WDFY3: variants seen among roughly 807,000 people sequenced by gnomAD.
The protein encoded by WDFY3 is WD repeat and FYVE domain-containing protein 3.
WDFY3 carries 66 observed loss-of-function variants against 409.6 expected under a neutral mutation model. The observed-to-expected ratio is 0.16, with a 90% CI of 0.13 to 0.20. WDFY3 has a LOEUF of 0.20. Among genes scored for constraint, WDFY3 ranks in the 10% least tolerant of loss-of-function variants. WDFY3 has a pLI of 1.00. For missense variants in WDFY3, 3,031 were observed against 4,298.1 expected (o/e 0.71, Z 8.24); for synonymous variants, 1,521 against 1,537.1 (o/e 0.99, Z 0.25).
chr4:84,721,454 T>C lies in WDFY3; in HGVS notation c.7560A>G (p.Lys2520=). 1.2e-6 allele frequency: 2 copies of C among 1,613,746 alleles called. No homozygotes were observed. Among genetic ancestry groups the C allele is most frequent in the Non-Finnish European group, 1.7e-6 (2 of 1,180,038 alleles). ...GGCGCAGTAAGGTAGCATTATCTGT[T>C]TTCTCCTCCTCTTCTATGGAGCTGC... ...AEGSSIEEEE[K]TDNATLLRLL... Residue 2520 remains lysine, a synonymous_variant, in exon 47 of 68, where the codon AAA becomes AAG. Transcript: ENST00000295888.
intron 1 of WDFY3, among the ~76,000 whole-genome samples, chr4:84,959,319 A>G (rs1774631787): frequency 6.6e-6 from 1 of 152,232 alleles, no homozygotes. Flanking sequence ...GGTATACTGG[A>G]AAGACCACAA....
intron 1 of WDFY3, among the ~76,000 whole-genome samples, chr4:84,939,082 T>C (rs1407603255): frequency 6.6e-6 from 1 of 152,210 alleles, no homozygotes; most frequent in Non-Finnish European, 1.5e-5. Flanking sequence ...GGTCAGGTAC[T>C]GTTAGTGGTT....
intron 3 of WDFY3, among the ~76,000 whole-genome samples, chr4:84,890,757 G>A (rs753161969): frequency 1.3e-5 from 2 of 152,164 alleles, no homozygotes; most frequent in African/African-American, 4.8e-5. Flanking sequence ...ATATATAATA[G>A]GTAAGTGAGC....
At chr4:84,738,038 G>C (rs950807342) in intron 40 of WDFY3, among the ~76,000 whole-genome samples, 2 of 152,126 alleles carry the variant, frequency 1.3e-5, no homozygotes, top group African/African-American at 2.4e-5. Flanking sequence ...AATAATAACC[G>C]CATCTTTGGT....
At position 84,688,210 on chromosome 4, in the gene WDFY3, T is replaced by C. The variant is rs750290458; in HGVS notation, c.9419A>G (p.His3140Arg). The change falls in exon 62 of 68, where the codon CAC becomes CGC. Residue 3140 changes from histidine to arginine, a missense_variant. Physicochemically the swap from His to Arg is conservative, Grantham distance 29. This residue lies in a region of WDFY3 where 8 missense variants were observed against 30.3 expected (regional missense o/e 0.26). Coordinates refer to ENST00000295888, the MANE Select transcript of WDFY3 (RefSeq NM_014991.6). ...ATCACGGGACCCACTGACAATTATG[T>C]GATAGGCTAATGATGCTGTGGCGCA... is the stretch of plus-strand genomic sequence containing the variant. ...VTCATASLAYHIIVSGSRDRT... is the reference protein window; with the variant it reads ...VTCATASLAYRIIVSGSRDRT... 2.5e-6 allele frequency: 4 copies of C among 1,614,060 alleles called. No individual in the cohort carries two copies. The East Asian group carries it at 8.9e-5, about 36-fold the overall frequency.
intron 40 of WDFY3, among the ~76,000 whole-genome samples, chr4:84,738,654 T>C (rs975685181): frequency 2.6e-5 from 4 of 151,990 alleles, no homozygotes; most frequent in East Asian, 1.9e-4. Context: ...AATAGCACTA[T>C]TGATAACCTG....
At chr4:84,825,177 ATTG>A (rs533291551) in intron 10 of WDFY3, among the ~76,000 whole-genome samples, 47 of 152,298 alleles carry the variant, frequency 3.1e-4, no homozygotes, top group Middle Eastern at 3.4e-3. Context: ...ACAAAATTAA[ATTG>A]TTGTGATTAG....
intron 3 of WDFY3, among the ~76,000 whole-genome samples, chr4:84,880,811 G>A (rs889753480): frequency 6.8e-6 from 1 of 146,626 alleles, no homozygotes; most frequent in African/African-American, 2.5e-5. Context: ...TCTGCCTCCT[G>A]GGTTCAAGCA....
intron 37 of WDFY3, among the ~76,000 whole-genome samples, chr4:84,743,100 G>T (rs1000393464): frequency 1.3e-5 from 2 of 152,100 alleles, no homozygotes; most frequent in East Asian, 1.9e-4. Context: ...TAGCACAGAG[G>T]TTATATGATT....
intron 56 of WDFY3, among the ~76,000 whole-genome samples, chr4:84,701,992 G>T (rs1731132919): frequency 6.6e-6 from 1 of 152,082 alleles, no homozygotes. Flanking sequence ...AATTCTAAAT[G>T]TTGGGAGTAA....
At chr4:84,952,966 A>C (rs1431472768) in intron 1 of WDFY3, among the ~76,000 whole-genome samples, 2 of 152,148 alleles carry the variant, frequency 1.3e-5, no homozygotes. Flanking sequence ...ACCACCTCTA[A>C]TAGATGCATT....
intron 44 of WDFY3, among the ~76,000 whole-genome samples, chr4:84,727,281 G>A (rs1735813889): frequency 6.6e-6 from 1 of 151,668 alleles, no homozygotes; most frequent in Non-Finnish European, 1.5e-5. Flanking sequence ...CAGGATAATA[G>A]AACCTAATGC....
intron 1 of WDFY3, among the ~76,000 whole-genome samples, chr4:84,934,303 T>C (rs1009583689): frequency 1.3e-5 from 2 of 152,178 alleles, no homozygotes; most frequent in African/African-American, 4.8e-5. Context: ...TGCATGTTTG[T>C]TTGCCATATG....
chr4:84,821,399 T>C lies in WDFY3; in HGVS notation c.1276A>G (p.Thr426Ala). 1.9e-6 allele frequency: 3 copies of C among 1,613,966 alleles called. No individual in the cohort carries two copies. Among genetic ancestry groups the C allele is most frequent in the Non-Finnish European group, 2.5e-6 (3 of 1,179,894 alleles). Reference sequence around the variant, plus strand: ...ATCTTCTCTGCAAACTGTGACAATGTGTGCTGTGACTCTAGGATGAAGTAA... The same window carrying C: ...ATCTTCTCTGCAAACTGTGACAATGCGTGCTGTGACTCTAGGATGAAGTAA... ...ANYFILESQHTLSQFAEKISK... is the reference protein window; with the variant it reads ...ANYFILESQHALSQFAEKISK... Residue 426 changes from threonine (T) to alanine (A), a missense_variant, in exon 11 of 68, where the codon ACA becomes GCA. Coordinates refer to ENST00000295888, the MANE Select transcript of WDFY3 (RefSeq NM_014991.6).
intron 3 of WDFY3, among the ~76,000 whole-genome samples, chr4:84,873,940 C>T (rs1762444567): frequency 6.6e-6 from 1 of 151,738 alleles, no homozygotes; most frequent in Non-Finnish European, 1.5e-5. Context: ...ACAGCCACGC[C>T]TGGGTAATTT....
rs201542085 is a variant in WDFY3 at position 84,677,409 on chromosome 4, C to T, written c.10260-13G>A. 16 of 1,585,380 alleles carry T rather than the reference C, an allele frequency of 1.0e-5. No homozygotes were observed. The highest frequency in any genetic ancestry group is 7.2e-5 in the Admixed American group (4 of 55,844). On this transcript the variant is annotated splice_polypyrimidine_tract_variant and intron_variant, in intron 66 of 67. Coordinates refer to ENST00000295888, the MANE Select transcript of WDFY3 (RefSeq NM_014991.6). ...CCTACTGTGATCCCTGCAGGAGACA[C>T]GACAGAGGAGGTCACTGCACGGAAG...
At chr4:84,938,774 T>G (rs1009095290) in intron 1 of WDFY3, among the ~76,000 whole-genome samples, 1 of 152,200 alleles carries the variant, frequency 6.6e-6, no homozygotes, top group Admixed American at 6.6e-5. Context: ...TTTGTGCTCC[T>G]GAGCTTTTAC....
intron 63 of WDFY3, 71 bp from the exon 64 acceptor site, chr4:84,682,541 G>T: frequency 8.6e-7 from 1 of 1,166,874 alleles, no homozygotes; most frequent in Non-Finnish European, 1.3e-6. Context: ...ATTACTCAAT[G>T]AAGAGAGACT....
chr4:84,743,695 A>G lies in WDFY3; in HGVS notation c.6073+5T>C. On this transcript the variant is annotated splice_donor_5th_base_variant and intron_variant, in intron 37 of 67. Coordinates refer to ENST00000295888, the MANE Select transcript of WDFY3 (RefSeq NM_014991.6). ...TATTTCTATAAAATAAAAACACAGA[A>G]TTACCTAATAACACATCAGCTGCAA... 1 of 1,534,778 alleles carries G rather than the reference A, an allele frequency of 6.5e-7. No homozygotes were observed. Among genetic ancestry groups the G allele is most frequent in the Non-Finnish European group, 8.8e-7 (1 of 1,136,604 alleles).
Sources: gnomAD v4.1 joint callset for allele counts (sites outside exome capture counted in the v4.1 genomes callset) on GRCh38, gnomAD v4.1.1 for gene constraint, gnomAD v4.1.1 regional missense constraint, MANE v1.5 for transcripts, NCBI Gene and HGNC (gene_info 2026-07-23, HGNC 2026-07-21) for gene names.